DTNA: variants seen among roughly 807,000 people sequenced by gnomAD.
DTNA encodes dystrophin-related protein 3.
In DTNA, 43 loss-of-function variants were observed where a neutral mutation model predicts 100.7. The ratio of observed to expected loss-of-function variants is 0.43; its 90% CI spans 0.33 to 0.55. DTNA has a LOEUF of 0.55. DTNA is among the 20% of genes least tolerant of loss of function. The probability of loss-of-function intolerance (pLI) is 0.04; values close to 1 mark genes in which losing one functional copy is unlikely to be tolerated. For missense variants in DTNA, 798 were observed against 953.9 expected, an observed-to-expected ratio of 0.84 and a Z score of 2.15; for synonymous variants, 349 against 347.9, an observed-to-expected ratio of 1.00 and a Z score of -0.04.
At chr18:34,498,288 G>T (rs2039487358) in intron 1 of DTNA, among the ~76,000 whole-genome samples, 1 of 151,808 alleles carries the variant, frequency 6.6e-6, no homozygotes, top group Admixed American at 6.6e-5. Flanking sequence ...GGGGGTGGTG[G>T]CAAGACCTAC....
At chr18:34,868,765 G>A in intron 17 of DTNA, 1 of 985,062 alleles carries the variant, frequency 1.0e-6, no homozygotes. Flanking sequence ...AATATAATGT[G>A]ATGATTATGA....
Position 34,879,794 on chromosome 18 carries a change from T to C in DTNA, c.2162+75T>C. On this transcript the variant is annotated intron_variant, in intron 20 of 22. Transcript: ENST00000444659. ...AGGAGACAATAAGAAAGTAAAAGCA[T>C]AATTGTTTAGGGTTTTTTTAACCTT... is the stretch of plus-strand genomic sequence containing the variant. 3.2e-6 allele frequency: 5 copies of C among 1,577,866 alleles called. No individual in the cohort carries two copies. The South Asian group carries it at 5.7e-5, about 18-fold the overall frequency.
At chr18:34,622,735 C>T (rs1316022156) in intron 1 of DTNA, among the ~76,000 whole-genome samples, 1 of 152,150 alleles carries the variant, frequency 6.6e-6, no homozygotes, top group African/African-American at 2.4e-5. Flanking sequence ...TTTAGACTTA[C>T]GTTATTCCTC....
At chr18:34,555,634 T>C (rs1334635899) in intron 1 of DTNA, among the ~76,000 whole-genome samples, 6 of 152,166 alleles carry the variant, frequency 3.9e-5, no homozygotes, top group Non-Finnish European at 8.8e-5. Context: ...TCGTTATGTA[T>C]CCAGTAGTCG....
At chr18:34,588,117 A>G (rs1466367281) in intron 1 of DTNA, among the ~76,000 whole-genome samples, 1 of 152,294 alleles carries the variant, frequency 6.6e-6, no homozygotes, top group African/African-American at 2.4e-5. Flanking sequence ...AATTGGCACC[A>G]ACTTTTCAAA....
chr18:34,849,207 C>T (rs1173827665), intron 14 of DTNA, among the ~76,000 whole-genome samples: 4 of 151,852 alleles, frequency 2.6e-5, no homozygotes, highest in African/African-American at 9.7e-5. Context: ...ATTTTAAGGG[C>T]CATAAGTAAG....
intron 1 of DTNA, among the ~76,000 whole-genome samples, chr18:34,530,261 T>C (rs2043015469): frequency 6.6e-6 from 1 of 152,138 alleles, no homozygotes; most frequent in Non-Finnish European, 1.5e-5. Flanking sequence ...AACTGGGGAC[T>C]GTAATGAATG....
chr18:34,784,334 T>C (rs1476866349), intron 3 of DTNA, among the ~76,000 whole-genome samples: 1 of 152,256 alleles, frequency 6.6e-6, no homozygotes, highest in Non-Finnish European at 1.5e-5. Flanking sequence ...TGAATAGTTA[T>C]AGACCCTGCT....
At position 34,855,621 on chromosome 18, in the gene DTNA, C is replaced by T. The variant is rs141508650; in HGVS notation, c.1533-2664C>T. ...TTTCCTTCCTCCTATCCATCTGTCC[C>T]GATATAAAGAGAAGGGATAAAACAT... is the stretch of plus-strand genomic sequence containing the variant. On this transcript the variant is annotated intron_variant, in intron 15 of 22. Transcript: ENST00000444659. 2.6e-4 allele frequency among the ~76,000 whole-genome samples: 40 copies of T among 152,144 alleles called. 1 individual carries two copies. Among genetic ancestry groups the T allele is most frequent in the African/African-American group, 9.4e-4 (39 of 41,500 alleles).
At chr18:34,725,040 C>T (rs946525802) in intron 1 of DTNA, among the ~76,000 whole-genome samples, 7 of 152,114 alleles carry the variant, frequency 4.6e-5, no homozygotes, top group Admixed American at 3.9e-4. Flanking sequence ...ACTGGCTAGT[C>T]ATATGCAGAA....
chr18:34,777,450 A>G (rs889438695), intron 3 of DTNA, among the ~76,000 whole-genome samples: 6 of 152,202 alleles, frequency 3.9e-5, no homozygotes, highest in African/African-American at 1.4e-4. Flanking sequence ...ATATTTATAG[A>G]TATCTTCTGG....
chr18:34,580,287 A>T, intron 1 of DTNA, among the ~76,000 whole-genome samples: 1 of 152,136 alleles, frequency 6.6e-6, no homozygotes, highest in South Asian at 2.1e-4. Context: ...TGCCTGCTAT[A>T]TCCAACATTT....
At chr18:34,519,832 A>G (rs1370855217) in intron 1 of DTNA, among the ~76,000 whole-genome samples, 1 of 152,176 alleles carries the variant, frequency 6.6e-6, no homozygotes, top group Non-Finnish European at 1.5e-5. Flanking sequence ...AAAGTTAAGA[A>G]CACTGTGATC....
intron 1 of DTNA, chr18:34,513,755 T>G (rs1181253188): frequency 6.6e-6 from 1 of 152,070 alleles, no homozygotes; most frequent in African/African-American, 2.4e-5. Flanking sequence ...TGAGAAAATA[T>G]CTAAACATTC....
intron 17 of DTNA, among the ~76,000 whole-genome samples, chr18:34,872,500 A>G (rs2096775075): frequency 6.6e-6 from 1 of 152,236 alleles, no homozygotes; most frequent in South Asian, 2.1e-4. Context: ...TTTGAAAAGC[A>G]ATATGATGCA....
At position 34,749,521 on chromosome 18, in the gene DTNA, G is replaced by A. The variant is rs573756914; in HGVS notation, c.-1-6455G>A. 3.9e-5 allele frequency among the ~76,000 whole-genome samples: 6 copies of A among 152,062 alleles called. 1 individual carries two copies. The highest frequency in any genetic ancestry group is 4.8e-5 in the African/African-American group (2 of 41,478). On this transcript the variant is annotated intron_variant, in intron 1 of 22. Coordinates refer to ENST00000444659, the MANE Select transcript of DTNA (RefSeq NM_001386795.1). ...TTTTTGATTAGGTCTCCAGGCTAGC[G>A]TGAGAGGCAGTCATAGCCGAGAACT...
At chr18:34,772,740 T>C (rs899230859) in intron 3 of DTNA, among the ~76,000 whole-genome samples, 2 of 152,234 alleles carry the variant, frequency 1.3e-5, no homozygotes, top group Non-Finnish European at 2.9e-5. Flanking sequence ...ATTTAGCAGC[T>C]TAAAGAAGCA....
chr18:34,517,644 C>G (rs1002443083), intron 1 of DTNA, among the ~76,000 whole-genome samples: 1 of 152,026 alleles, frequency 6.6e-6, no homozygotes, highest in African/African-American at 2.4e-5. Flanking sequence ...AACCTGTAAT[C>G]TCTTCATCTC....
chr18:34,770,363 A>C (rs1356039145), intron 3 of DTNA, among the ~76,000 whole-genome samples: 1 of 152,228 alleles, frequency 6.6e-6, no homozygotes, highest in African/African-American at 2.4e-5. Context: ...AAAAAAAATG[A>C]ATACTGTCTG....
Sources: gnomAD v4.1 joint callset for allele counts (sites outside exome capture counted in the v4.1 genomes callset) on GRCh38, gnomAD v4.1.1 for gene constraint, MANE v1.5 for transcripts, NCBI Gene and HGNC (gene_info 2026-07-23, HGNC 2026-07-21) for gene names.